The following PRKG1 variants were observed in gnomAD, a reference collection of about 807,000 sequenced individuals.
The protein encoded by PRKG1 is cGMP-dependent protein kinase 1.
In PRKG1, 35 loss-of-function variants were observed where a neutral mutation model predicts 88.1. The ratio of observed to expected loss-of-function variants is 0.40; its 90% CI spans 0.30 to 0.53. PRKG1 has a LOEUF of 0.53. PRKG1 is among the 20% of genes least tolerant of loss of function. The probability of loss-of-function intolerance (pLI) is 0.59; values close to 1 mark genes in which losing one functional copy is unlikely to be tolerated. For synonymous variants in PRKG1, 303 were observed against 292.5 expected, an observed-to-expected ratio of 1.04 and a Z score of -0.37; for missense variants, 540 against 839.8, an observed-to-expected ratio of 0.64 and a Z score of 4.41.
Position 51,528,373 on chromosome 10 carries a change from T to C in PRKG1, c.592+60537T>C, listed in dbSNP as rs373773563. ...AATAATGTGTGAATATGGCAAAATG[T>C]GAAGACAGCATGCTGATGACTGGGA... On this transcript the variant is annotated intron_variant, in intron 3 of 17. Transcript: ENST00000373980. Among the ~76,000 whole-genome samples, 17 of 152,312 alleles carry C rather than the reference T, an allele frequency of 1.1e-4. No homozygotes were observed. The East Asian group carries it at 2.5e-3, about 22-fold the overall frequency.
intron 9 of PRKG1, among the ~76,000 whole-genome samples, chr10:52,233,438 C>T (rs1337225681): frequency 4.4e-4 from 66 of 149,062 alleles, no homozygotes; most frequent in African/African-American, 1.5e-3. Context: ...AGACAGTGGG[C>T]GCAGGCCAGT....
intron 4 of PRKG1, among the ~76,000 whole-genome samples, chr10:51,814,584 T>C (rs1839538978): frequency 6.6e-6 from 1 of 152,098 alleles, no homozygotes; most frequent in African/African-American, 2.4e-5. Context: ...TGAAGGGAAA[T>C]ATTGGGAAGA....
intron 3 of PRKG1, among the ~76,000 whole-genome samples, chr10:51,468,828 C>T (rs770651342): frequency 6.6e-6 from 1 of 151,582 alleles, no homozygotes; most frequent in African/African-American, 2.4e-5. Context: ...CAGCATATAA[C>T]TGAAAATACA....
At chr10:51,299,698 G>A (rs1401753536) in intron 2 of PRKG1, 1 of 443,348 alleles carries the variant, frequency 2.3e-6, no homozygotes, top group Non-Finnish European at 4.5e-6. Context: ...GACAGCCACA[G>A]GTATATTGCT....
rs754036353 is a variant in PRKG1 at position 52,272,532 on chromosome 10, T to C, written c.1403+51T>C. 3 of 1,295,332 alleles carry C rather than the reference T, an allele frequency of 2.3e-6. No homozygotes were observed. The East Asian group carries it at 7.0e-5, about 30-fold the overall frequency. 80.2% of individuals were successfully genotyped at this position (1,295,332 alleles called of 1,614,324 possible). A position where few individuals can be genotyped will look rare whatever the true frequency, so the allele number is the denominator to read the frequency against. ...ATATCTCTAAAAACAGTTGCCCATG[T>C]TGGTCTATAAGAAGAGTTAATATGA... On this transcript the variant is annotated intron_variant, in intron 12 of 17. Coordinates refer to ENST00000373980, the MANE Select transcript of PRKG1 (RefSeq NM_006258.4).
chr10:52,212,497 G>A (rs1840004133), intron 9 of PRKG1, among the ~76,000 whole-genome samples: 1 of 151,782 alleles, frequency 6.6e-6, no homozygotes, highest in African/African-American at 2.4e-5. Flanking sequence ...TTTCTTCCCT[G>A]TTCCTTGATT....
chr10:51,055,307 G>T (rs185362984), intron 1 of PRKG1, among the ~76,000 whole-genome samples: 33 of 152,154 alleles, frequency 2.2e-4, no homozygotes, highest in Admixed American at 2.0e-3. Flanking sequence ...TGGAGTGGCT[G>T]ATGCCTCCAG....
At chr10:51,955,572 T>C (rs1006888767) in intron 5 of PRKG1, among the ~76,000 whole-genome samples, 2 of 152,174 alleles carry the variant, frequency 1.3e-5, no homozygotes, top group East Asian at 1.9e-4. Context: ...GTAGGCAAAA[T>C]GTCATTCGAT....
intron 2 of PRKG1, among the ~76,000 whole-genome samples, chr10:51,404,311 A>G (rs1837842734): frequency 6.6e-6 from 1 of 152,246 alleles, no homozygotes; most frequent in Non-Finnish European, 1.5e-5. Context: ...TGGTTTCTAC[A>G]TGCATATTCA....
chr10:51,615,562 A>G (rs1342572516), intron 3 of PRKG1, among the ~76,000 whole-genome samples: 2 of 144,486 alleles, frequency 1.4e-5, no homozygotes, highest in East Asian at 2.0e-4. Flanking sequence ...GCGTCTTTAC[A>G]TCTTGAGATT....
At chr10:51,055,039 C>G (rs545948378) in intron 1 of PRKG1, among the ~76,000 whole-genome samples, 2 of 152,144 alleles carry the variant, frequency 1.3e-5, no homozygotes, top group Admixed American at 6.5e-5. Flanking sequence ...CCTTTAATTT[C>G]CCCTGTATCC....
At chr10:52,243,975 G>GTT (rs2132384346) in intron 9 of PRKG1, among the ~76,000 whole-genome samples, 1 of 152,170 alleles carries the variant, frequency 6.6e-6, no homozygotes, top group African/African-American at 2.4e-5. Flanking sequence ...GGAAATAGCA[G>GTT]GAGCAAACTA....
intron 4 of PRKG1, among the ~76,000 whole-genome samples, chr10:51,838,791 C>T (rs779308543): frequency 6.6e-6 from 1 of 152,022 alleles, no homozygotes; most frequent in Non-Finnish European, 1.5e-5. Flanking sequence ...ACCCCTAGGG[C>T]TATTGTTAGC....
At chr10:52,280,448 C>T (rs1196710325) in intron 12 of PRKG1, among the ~76,000 whole-genome samples, 1 of 152,140 alleles carries the variant, frequency 6.6e-6, no homozygotes, top group Admixed American at 6.6e-5. Context: ...TTATTTTTCT[C>T]TCCTGCCTAC....
intron 9 of PRKG1, among the ~76,000 whole-genome samples, chr10:52,234,674 C>A (rs1225733916): frequency 7.9e-6 from 1 of 125,874 alleles, no homozygotes; most frequent in East Asian, 2.1e-4. Context: ...GTGAAAAGAC[C>A]AAATCTACGT....
intron 3 of PRKG1, among the ~76,000 whole-genome samples, chr10:51,580,426 G>A (rs759767656): frequency 2.4e-4 from 36 of 152,106 alleles, no homozygotes; most frequent in East Asian, 3.9e-4. Context: ...GACTTTAGCC[G>A]TTGACAGTAT....
intron 2 of PRKG1, among the ~76,000 whole-genome samples, chr10:51,443,160 A>G (rs1027733336): frequency 4.6e-5 from 7 of 152,054 alleles, no homozygotes; most frequent in African/African-American, 1.7e-4. Context: ...ATACCCTACC[A>G]TATTCCTTAA....
chr10:52,257,412 C>T (rs1252071276), intron 10 of PRKG1, among the ~76,000 whole-genome samples: 3 of 139,662 alleles, frequency 2.1e-5, no homozygotes, highest in African/African-American at 5.0e-5. Flanking sequence ...GGTCTTATTG[C>T]GAAAGGTGAG....
At chr10:51,721,696 A>G (rs904245242) in intron 3 of PRKG1, among the ~76,000 whole-genome samples, 3 of 152,106 alleles carry the variant, frequency 2.0e-5, no homozygotes, top group Admixed American at 2.0e-4. Flanking sequence ...TCTGCTGTGT[A>G]GCCCAGGCAG....
Sources: gnomAD v4.1 joint callset for allele counts (sites outside exome capture counted in the v4.1 genomes callset) on GRCh38, gnomAD v4.1.1 for gene constraint, MANE v1.5 for transcripts, NCBI Gene and HGNC (gene_info 2026-07-23, HGNC 2026-07-21) for gene names.